Variants in CFAP52 observed in about 807,000 individuals in gnomAD.
The protein encoded by CFAP52 is cilia- and flagella-associated protein 52.
Under a neutral mutation model 70.5 loss-of-function variants are expected in CFAP52, and 57 were observed. That is an observed-to-expected ratio of 0.81 (90% CI 0.65 to 1.01). The LOEUF (loss-of-function observed/expected upper bound fraction) is 1.01, where lower values mean the gene tolerates loss of function less well. CFAP52 is among the 50% of genes least tolerant of loss of function. The pLI is 0.00. For missense variants in CFAP52, 785 were observed against 788.5 expected (o/e 1.00, Z 0.05); for synonymous variants, 267 against 292.5 (o/e 0.91, Z 0.89).
intron 9 of CFAP52, among the ~76,000 whole-genome samples, chr17:9,631,056 A>AGAGAGAGAGAGAGAGAGAGAGAG (rs1229380118): frequency 1.4e-5 from 1 of 70,900 alleles, no homozygotes; most frequent in African/African-American, 6.9e-5. Context: ...GAGAGAGAGA[A>AGAGAGAGAGAGAGAGAGAGAGAG]AGAAAGAAAG....
intron 1 of CFAP52, among the ~76,000 whole-genome samples, chr17:9,581,576 A>T (rs1457491850): frequency 6.6e-6 from 1 of 151,920 alleles, no homozygotes; most frequent in Admixed American, 6.6e-5. Context: ...GGAGACAGAG[A>T]GGGAGGGAAA....
chr17:9,638,320 C>A (rs1462578901), intron 11 of CFAP52, among the ~76,000 whole-genome samples: 4 of 152,130 alleles, frequency 2.6e-5, no homozygotes. Flanking sequence ...TTCCCTGGAA[C>A]TTAAGGGTTC....
At chr17:9,590,410 C>A in intron 3 of CFAP52, 1 of 204,360 alleles carries the variant, frequency 4.9e-6, no homozygotes, top group South Asian at 9.6e-5. Context: ...TCATTGGGGT[C>A]CAACCAGACC....
At chr17:9,638,555 A>C in intron 11 of CFAP52, 54 bp from the exon 12 acceptor site, 2 of 1,565,858 alleles carry the variant, frequency 1.3e-6, no homozygotes, top group Non-Finnish European at 1.8e-6. Flanking sequence ...ATAGTGAATA[A>C]ATTTCCTAGG....
chr17:9,633,855 A>AT (rs899859721), intron 10 of CFAP52, among the ~76,000 whole-genome samples: 6 of 149,982 alleles, frequency 4.0e-5, no homozygotes, highest in African/African-American at 1.5e-4. Context: ...TTTTTTTTGT[A>AT]TTTTTTTAGT....
chr17:9,641,942 G>C, intron 13 of CFAP52, 107 bp downstream of exon 13: 3 of 906,520 alleles, frequency 3.3e-6, no homozygotes, highest in South Asian at 3.2e-5. Context: ...GGGTCTCAAG[G>C]CAACTTGGTT....
rs1908055426 is a variant in CFAP52, at chr17:9,578,266, G to A, written c.70+1501G>A. Among the ~76,000 whole-genome samples the A allele has an allele frequency of 2.0e-5, 3 of 152,178 alleles. No individual in the cohort carries two copies. In the South Asian group the frequency reaches 6.2e-4, roughly 32 times the overall value. The stretch of plus-strand genomic sequence containing the variant: ...CTAACATTTAAATGTATTACAATTA[G>A]GTCCTATATGTCAAAAGGCCTTTTC... On this transcript the variant is annotated intron_variant, in intron 1 of 13. Coordinates refer to ENST00000352665, the MANE Select transcript of CFAP52 (RefSeq NM_145054.5).
intron 6 of CFAP52, among the ~76,000 whole-genome samples, chr17:9,601,570 CTACTT>C (rs941328330): frequency 8.5e-5 from 13 of 152,078 alleles, no homozygotes; most frequent in Non-Finnish European, 1.8e-4. Context: ...TAATTTTTGT[CTACTT>C]TACTAACTAG....
intron 1 of CFAP52, among the ~76,000 whole-genome samples, chr17:9,577,351 G>C (rs1288626796): frequency 6.6e-6 from 1 of 152,190 alleles, no homozygotes; most frequent in Non-Finnish European, 1.5e-5. Context: ...GGACGCCAGG[G>C]GGAGCTAAAG....
Position 9,600,057 on chromosome 17 carries a change from G to T in CFAP52, c.637-10G>T. 1 of 1,611,802 alleles carries T rather than the reference G, an allele frequency of 6.2e-7. No homozygotes were observed. The highest frequency in any genetic ancestry group is 8.5e-7 in the Non-Finnish European group (1 of 1,178,502). On this transcript the variant is annotated splice_polypyrimidine_tract_variant and intron_variant, in intron 5 of 13. Coordinates refer to ENST00000352665, the MANE Select transcript of CFAP52 (RefSeq NM_145054.5). ...AGGCTGGCCAAGATTTCTTTTTCTT[G>T]CTTCTTCAGGTGGATGATGATGATA...
chr17:9,608,601 C>A (rs144038113), intron 7 of CFAP52, among the ~76,000 whole-genome samples: 266 of 152,208 alleles, frequency 1.7e-3, no homozygotes, highest in Non-Finnish European at 3.1e-3. Context: ...GCAATGGGTA[C>A]CTATTATGTG....
chr17:9,633,288 T>G (rs1407521212), intron 10 of CFAP52, among the ~76,000 whole-genome samples: 2 of 152,182 alleles, frequency 1.3e-5, no homozygotes, highest in Non-Finnish European at 2.9e-5. Flanking sequence ...CGTTACAACC[T>G]CTGCCTTCTG....
At chr17:9,584,270 A>G in intron 1 of CFAP52, 1 of 1,281,536 alleles carries the variant, frequency 7.8e-7, no homozygotes, top group South Asian at 1.3e-5. Flanking sequence ...CTTTTCTCTA[A>G]CATGGAAGCA....
At chr17:9,580,210 G>T (rs530468634) in intron 1 of CFAP52, among the ~76,000 whole-genome samples, 2 of 149,770 alleles carry the variant, frequency 1.3e-5, no homozygotes, top group Non-Finnish European at 3.0e-5. Context: ...ATGCCCATTT[G>T]TTTATGTATT....
intron 9 of CFAP52, among the ~76,000 whole-genome samples, chr17:9,629,940 C>T (rs890628450): frequency 5.3e-5 from 8 of 151,886 alleles, no homozygotes; most frequent in South Asian, 2.1e-4. Context: ...AGCGTCCCTA[C>T]CCCACCCTGC....
intron 7 of CFAP52, among the ~76,000 whole-genome samples, chr17:9,609,475 G>A (rs894507993): frequency 5.9e-5 from 9 of 152,102 alleles, no homozygotes; most frequent in African/African-American, 2.2e-4. Flanking sequence ...CAAGTGGATC[G>A]CTTGAGCCCA....
chr17:9,595,207 C>A (rs1208346780), intron 4 of CFAP52, among the ~76,000 whole-genome samples: 1 of 152,004 alleles, frequency 6.6e-6, no homozygotes. Flanking sequence ...GTTCAGAGGG[C>A]AAGAAATCAG....
In CFAP52 at chr17:9,629,310, G is replaced by A. The variant is rs547825266; in HGVS notation, c.1174+490G>A. Among the ~76,000 whole-genome samples, 504 of 152,262 alleles carry A rather than the reference G, an allele frequency of 3.3e-3. 5 individuals are homozygous for A. The highest frequency in any genetic ancestry group is 0.012 in the African/African-American group (479 of 41,532). Reference sequence around the variant, plus strand: ...TCTAAAAATGTTTTCCTTTAAAACAGTAATTTCTCAGTATTGTCTTATGCT... The same window carrying A: ...TCTAAAAATGTTTTCCTTTAAAACAATAATTTCTCAGTATTGTCTTATGCT... On this transcript the variant is annotated intron_variant, in intron 9 of 13. Coordinates refer to ENST00000352665, the MANE Select transcript of CFAP52 (RefSeq NM_145054.5).
intron 4 of CFAP52, among the ~76,000 whole-genome samples, chr17:9,596,057 G>GTATATA (rs1322554543): frequency 5.8e-5 from 6 of 103,582 alleles, no homozygotes; most frequent in South Asian, 3.5e-4. Context: ...ATATATGTGT[G>GTATATA]TGTATATATA....
Sources: allele counts gnomAD v4.1 joint callset (sites outside exome capture counted in the v4.1 genomes callset), GRCh38; gene constraint gnomAD v4.1.1; transcripts MANE v1.5; gene names NCBI Gene and HGNC (gene_info 2026-07-23, HGNC 2026-07-21).